RASGRF1: variants seen among roughly 807,000 people sequenced by gnomAD.
RASGRF1 encodes Ras protein specific guanine nucleotide releasing factor 1.
In RASGRF1, 40 loss-of-function variants were observed where a neutral mutation model predicts 138.7. The observed-to-expected ratio is 0.29, with a 90% CI of 0.22 to 0.38. RASGRF1 has a LOEUF of 0.38. Ranked by LOEUF, RASGRF1 falls within the 10% of genes least tolerant of loss-of-function variation. The pLI is 1.00. For synonymous variants in RASGRF1, 614 were observed against 663.2 expected (o/e 0.93, Z 1.14); for missense variants, 1,108 against 1,650.4 (o/e 0.67, Z 5.69).
At chr15:78,999,547 G>T (rs767437407) in intron 17 of RASGRF1, among the ~76,000 whole-genome samples, 196 bp downstream of exon 17, 1 of 152,082 alleles carries the variant, frequency 6.6e-6, no homozygotes, top group Admixed American at 6.5e-5. Flanking sequence ...AGGAAGCTTC[G>T]TGTCCAGTGA....
intron 12 of RASGRF1, among the ~76,000 whole-genome samples, chr15:79,016,832 A>G (rs1353128832): frequency 6.6e-6 from 1 of 152,192 alleles, no homozygotes; most frequent in East Asian, 1.9e-4. Flanking sequence ...AAGCAAGGGA[A>G]GCCGTCCTAG....
At chr15:79,047,935 G>T (rs2141027140) in intron 4 of RASGRF1, among the ~76,000 whole-genome samples, 1 of 151,998 alleles carries the variant, frequency 6.6e-6, no homozygotes, top group Middle Eastern at 3.4e-3. Flanking sequence ...GCTAGAGATG[G>T]GTGCCGTAGA....
chr15:78,972,216 C>T (rs143281388), intron 25 of RASGRF1, among the ~76,000 whole-genome samples: 2,193 of 152,180 alleles, frequency 0.014, 60 homozygotes, highest in African/African-American at 0.051. Flanking sequence ...CTGCCTCAGC[C>T]TCCTGAGTAG....
rs2056905466 is a variant in RASGRF1 at position 79,018,024 on chromosome 15, G to A, written c.1607-118C>T. The A allele has an allele frequency of 7.3e-6, 9 of 1,226,200 alleles. No individual in the cohort carries two copies. The South Asian group carries it at 1.2e-4, about 16-fold the overall frequency. 76.0% of individuals were successfully genotyped at this position (1,226,200 alleles called of 1,614,324 possible). ...GAGGCTCTGCGTTGGTAAGGCACCA[G>A]GCCAATTGCTGCTACTTTCAGAATA... On this transcript the variant is annotated intron_variant, in intron 11 of 26. Transcript: ENST00000558480.
intron 26 of RASGRF1, among the ~76,000 whole-genome samples, chr15:78,970,182 C>T (rs1425092172): frequency 2.6e-5 from 4 of 152,104 alleles, no homozygotes; most frequent in African/African-American, 4.8e-5. Context: ...GTGAACTGCA[C>T]ACTAGGAGGT....
At chr15:79,053,653 T>C (rs76894044) in intron 3 of RASGRF1, among the ~76,000 whole-genome samples, 511 of 152,346 alleles carry the variant, frequency 3.4e-3, no homozygotes, top group African/African-American at 0.012. Context: ...AGTGGATTGA[T>C]TGTTTTACTT....
At chr15:78,971,641 ACCATC>A (rs2055762210) in intron 26 of RASGRF1, among the ~76,000 whole-genome samples, 2 of 152,226 alleles carry the variant, frequency 1.3e-5, no homozygotes, top group South Asian at 4.1e-4. Context: ...ATGAATATAA[ACCATC>A]CTATGGCAGG....
chr15:79,026,472 ACT>A (rs1302896444), intron 9 of RASGRF1, among the ~76,000 whole-genome samples: 1 of 151,416 alleles, frequency 6.6e-6, no homozygotes, highest in African/African-American at 2.4e-5. Context: ...TCCCCTCATG[ACT>A]CTCTTCCTCT....
rs116868207 is a variant in RASGRF1, at chr15:79,002,370, T to C, written c.2450-583A>G. ...TGATGAATTATATTAAAAGCCTAGG[T>C]CTGGCACAGTGAGGTCTTGGTCAGA... is the stretch of plus-strand genomic sequence containing the variant. On this transcript the variant is annotated intron_variant, in intron 15 of 26. Transcript: ENST00000558480. 1.6e-3 allele frequency among the ~76,000 whole-genome samples: 247 copies of C among 152,272 alleles called. 9 individuals are homozygous for C. The East Asian group carries it at 0.043, about 27-fold the overall frequency.
At chr15:79,081,209 G>T (rs544082097) in intron 1 of RASGRF1, among the ~76,000 whole-genome samples, 1 of 152,340 alleles carries the variant, frequency 6.6e-6, no homozygotes, top group East Asian at 1.9e-4. Flanking sequence ...GAGGGCATGG[G>T]GCTGCAGAGT....
intron 8 of RASGRF1, among the ~76,000 whole-genome samples, chr15:79,030,775 T>G (rs2140998201): frequency 6.6e-6 from 1 of 152,362 alleles, no homozygotes; most frequent in Non-Finnish European, 1.5e-5. Flanking sequence ...ATCCAGGACC[T>G]GAACCTCTTC....
chr15:79,090,669 C>CT lies in RASGRF1; in HGVS notation c.-172dup. The CT allele has an allele frequency of 1.1e-6, 1 of 917,416 alleles. No homozygotes were observed. The highest frequency in any genetic ancestry group is 1.6e-6 in the Non-Finnish European group (1 of 624,206). 56.8% of individuals were successfully genotyped at this position (917,416 alleles called of 1,614,324 possible). A position where few individuals can be genotyped will look rare whatever the true frequency, so the allele number is the denominator to read the frequency against. The stretch of plus-strand genomic sequence containing the variant: ...AGGATCTGGCGCCGAGCCGCGGCTT[C>CT]TTGAATCCAGATATACCATTCCCCG... On this transcript the variant is annotated 5_prime_UTR_variant, in exon 1 of 27. The change abolishes the stop of an existing upstream ORF in the 5' untranslated region. Transcript: ENST00000558480.
At chr15:79,065,450 C>T (rs62011247) in intron 1 of RASGRF1, among the ~76,000 whole-genome samples, 25,240 of 151,616 alleles carry the variant, frequency 0.17, 2,080 homozygotes, top group East Asian at 0.2. Context: ...GAGGAGGAGC[C>T]GTGGGAGGAG....
chr15:78,993,762 A>T (rs1025086983), intron 20 of RASGRF1, among the ~76,000 whole-genome samples: 1 of 152,108 alleles, frequency 6.6e-6, no homozygotes, highest in Non-Finnish European at 1.5e-5. Flanking sequence ...CCAGAGGCCC[A>T]GGCGCTGTGG....
rs944486975 is a variant in RASGRF1 at position 79,046,218 on chromosome 15, C to T, written c.878+528G>A. Among the ~76,000 whole-genome samples, 2 of 152,170 alleles carry T rather than the reference C, an allele frequency of 1.3e-5. No homozygotes were observed. Among genetic ancestry groups the T allele is most frequent in the African/African-American group, 4.8e-5 (2 of 41,436 alleles). ...TGAGAATTCTAAGTTTCAACCTGGC[C>T]TCCAGGTCATTATGATGGTATCAAG... On this transcript the variant is annotated intron_variant, in intron 5 of 26. Coordinates refer to ENST00000558480, the MANE Select transcript of RASGRF1 (RefSeq NM_001145648.3). This position sits in a 1 kb window ranked among gnomAD's most constrained non-coding sequence, Gnocchi z 5.3.
rs767140839 is a variant in RASGRF1 at position 79,020,146 on chromosome 15, A to G, written c.1543-42T>C. 3.8e-6 allele frequency: 6 copies of G among 1,595,798 alleles called. No homozygotes were observed. In the South Asian group the frequency reaches 6.6e-5, roughly 18 times the overall value. On this transcript the variant is annotated intron_variant, in intron 10 of 26. Transcript: ENST00000558480. ...GGGGCTGCTTTGGATTGAGGGGTAG[A>G]TATGCTGGTTTAGGAGTCCCTGGAT...
chr15:79,027,924 G>T lies in RASGRF1; in HGVS notation c.1263-65C>A. ...CCCTACTTCCCAGGGAGGCGAGAAT[G>T]CCAGGCTTCTGGCCAGACCTAGGAA... On this transcript the variant is annotated intron_variant, in intron 8 of 26. Coordinates refer to ENST00000558480, the MANE Select transcript of RASGRF1 (RefSeq NM_001145648.3). This position sits in a 1 kb window ranked among gnomAD's most constrained non-coding sequence, Gnocchi z 4.8. 2.0e-6 allele frequency: 3 copies of T among 1,527,836 alleles called. No homozygotes were observed. The highest frequency in any genetic ancestry group is 2.7e-6 in the Non-Finnish European group (3 of 1,104,196). 94.6% of individuals were successfully genotyped at this position (1,527,836 alleles called of 1,614,324 possible). A position where few individuals can be genotyped will look rare whatever the true frequency, so the allele number is the denominator to read the frequency against.
intron 11 of RASGRF1, among the ~76,000 whole-genome samples, chr15:79,018,499 T>C (rs569672160): frequency 2.6e-5 from 4 of 152,374 alleles, no homozygotes; most frequent in African/African-American, 9.6e-5. Flanking sequence ...TTCTTTTCAA[T>C]GCACTCACAT....
intron 20 of RASGRF1, among the ~76,000 whole-genome samples, chr15:78,992,211 C>T (rs2056285120): frequency 6.6e-6 from 1 of 152,254 alleles, no homozygotes; most frequent in Non-Finnish European, 1.5e-5. Context: ...CGCCTGAGCC[C>T]ACAGCTGGCT....
Sources: allele counts gnomAD v4.1 joint callset (sites outside exome capture counted in the v4.1 genomes callset), GRCh38; gene constraint gnomAD v4.1.1; non-coding constraint Gnocchi (gnomAD v3.1); transcripts MANE v1.5; gene names NCBI Gene and HGNC (gene_info 2026-07-23, HGNC 2026-07-21).